Variants in TJP3 observed in about 807,000 individuals in gnomAD.
TJP3 encodes the protein tight junction protein ZO-3.
Under a neutral mutation model 104.2 loss-of-function variants are expected in TJP3, and 85 were observed. The observed-to-expected ratio is 0.82, with a 90% CI of 0.68 to 0.98. The LOEUF is 0.98. Among genes scored for constraint, TJP3 ranks in the 50% least tolerant of loss-of-function variants. The pLI is 0.00. For synonymous variants in TJP3, 550 were observed against 550.6 expected (o/e 1.00, Z 0.02); for missense variants, 1,367 against 1,322.8 (o/e 1.03, Z -0.52).
chr19:3,750,592 C>G lies in TJP3; in HGVS notation c.2668C>G (p.Arg890Gly). The change falls in exon 21 of 21, where the codon CGG becomes GGG. Residue 890 changes from arginine (R) to glycine (G), a missense_variant. Transcript: ENST00000541714. ...WRQDSMRTYEREALKKKFMRV... is the reference protein window; with the variant it reads ...WRQDSMRTYEGEALKKKFMRV... ...TTTCCTGATCCCCAGAACCTATGAA[C>G]GGGAAGCCCTGAAGAAAAAGTTTAT... 1 of 1,604,922 alleles carries G rather than the reference C, an allele frequency of 6.2e-7. No homozygotes were observed. The highest frequency in any genetic ancestry group is 8.5e-7 in the Non-Finnish European group (1 of 1,175,446).
At chr19:3,741,814 CA>C (rs1319589950) in intron 14 of TJP3, among the ~76,000 whole-genome samples, 6 of 149,104 alleles carry the variant, frequency 4.0e-5, no homozygotes, top group Non-Finnish European at 8.9e-5. Context: ...ACTAAAAGTA[CA>C]AAAAATTAGC....
chr19:3,718,472 T>C (rs1043647483), intron 1 of TJP3, among the ~76,000 whole-genome samples: 1 of 79,890 alleles, frequency 1.3e-5, no homozygotes, highest in Non-Finnish European at 2.5e-5. Flanking sequence ...TTTTTTGGGG[T>C]GGTGGGGGGC....
chr19:3,717,427 A>ATG (rs953659913), intron 1 of TJP3, among the ~76,000 whole-genome samples: 2 of 142,468 alleles, frequency 1.4e-5, no homozygotes, highest in African/African-American at 5.2e-5. Context: ...ATATATATAT[A>ATG]TAATTTTATT....
chr19:3,714,936 T>G (rs1232513688), intron 1 of TJP3, among the ~76,000 whole-genome samples: 1 of 152,244 alleles, frequency 6.6e-6, no homozygotes, highest in East Asian at 1.9e-4. Flanking sequence ...TTTTGTTGAC[T>G]GAGTGACTGA....
intron 1 of TJP3, among the ~76,000 whole-genome samples, chr19:3,726,140 G>A (rs896099920): frequency 1.8e-4 from 28 of 152,254 alleles, no homozygotes; most frequent in Non-Finnish European, 2.9e-5. Context: ...GCCCCGGGGA[G>A]GAGGAGGAGT....
At chr19:3,732,573 A>T (rs1327927921) in intron 6 of TJP3, among the ~76,000 whole-genome samples, 1 of 150,174 alleles carries the variant, frequency 6.7e-6, no homozygotes, top group African/African-American at 2.5e-5. Flanking sequence ...GCAGTGGCGC[A>T]ATCTCGGCTC....
chr19:3,730,428 CG>C lies in TJP3; in HGVS notation c.337del (p.Asp113MetfsTer78). On this transcript the variant is annotated frameshift_variant, in exon 5 of 21. Coordinates refer to ENST00000541714, the MANE Select transcript of TJP3 (RefSeq NM_001267560.2). LOFTEE classifies it high-confidence loss of function. The surrounding 1 kb of genome is among the most constrained non-coding windows in gnomAD (Gnocchi z 7.3). Reference sequence around the variant, plus strand: ...CCCTCCAGCCCAGGGCGCCAGGACTCGGATGAAGACGATGGGCCCCAGCGGG... The same window carrying C: ...CCCTCCAGCCCAGGGCGCCAGGACTCGATGAAGACGATGGGCCCCAGCGGG... ...ASPSSPGRQD[S>X]DEDDGPQRVE... is the part of the protein sequence containing the mutation. 6.3e-7 allele frequency: 1 copy of C among 1,589,988 alleles called. No individual in the cohort carries two copies. The highest frequency in any genetic ancestry group is 8.6e-7 in the Non-Finnish European group (1 of 1,169,318).
chr19:3,722,999 C>G (rs188606589), intron 1 of TJP3, among the ~76,000 whole-genome samples: 1,653 of 152,126 alleles, frequency 0.011, 75 homozygotes, highest in Admixed American at 0.087. Flanking sequence ...GACAAAGACC[C>G]AAGCCCCACC....
chr19:3,719,599 G>T (rs899894617), intron 1 of TJP3, among the ~76,000 whole-genome samples: 30 of 152,036 alleles, frequency 2.0e-4, no homozygotes, highest in African/African-American at 7.2e-4. Flanking sequence ...AGCCAGGCGT[G>T]GTGGCGGGTG....
chr19:3,742,562 G>A (rs547229194), intron 14 of TJP3, among the ~76,000 whole-genome samples: 1 of 147,100 alleles, frequency 6.8e-6, no homozygotes, highest in Non-Finnish European at 1.5e-5. Context: ...CAAATTGCCC[G>A]GGACAGGGGT....
At chr19:3,709,092 G>A (rs2036410366) in intron 1 of TJP3, among the ~76,000 whole-genome samples, 1 of 152,152 alleles carries the variant, frequency 6.6e-6, no homozygotes, top group Non-Finnish European at 1.5e-5. Flanking sequence ...AGCTTTGCAG[G>A]GAGGGATTGG....
chr19:3,734,240 T>C (rs200789109), intron 7 of TJP3, 87 bp from the exon 8 acceptor site: 273 of 1,363,030 alleles, frequency 2.0e-4, no homozygotes, highest in Admixed American at 2.5e-4. Context: ...GCCCTTTGTT[T>C]AGAGGGGTGT....
At chr19:3,744,882 C>T (rs935850762) in intron 15 of TJP3, among the ~76,000 whole-genome samples, 1 of 152,024 alleles carries the variant, frequency 6.6e-6, no homozygotes, top group African/African-American at 2.4e-5. Flanking sequence ...GAGCAGAGAT[C>T]ACGCCACTGC....
In TJP3 at chr19:3,750,719, C is replaced by T. The variant is rs1329776314; in HGVS notation, c.*35C>T. ...GGCTGCCAGCTGGTCCGTCCTCCTT[C>T]TCCCTCCCTGGGGCTGGGACTCAGT... is the stretch of plus-strand genomic sequence containing the variant. On this transcript the variant is annotated 3_prime_UTR_variant, in exon 21 of 21. Transcript: ENST00000541714. 11 of 1,535,494 alleles carry T rather than the reference C, an allele frequency of 7.2e-6. No homozygotes were observed. The African/African-American group carries it at 8.2e-5, about 11-fold the overall frequency.
intron 13 of TJP3, among the ~76,000 whole-genome samples, chr19:3,739,405 G>A (rs55690752): frequency 0.21 from 31,801 of 152,040 alleles, 3,455 homozygotes; most frequent in Admixed American, 0.27. Context: ...CAGGAGAATC[G>A]CTTGAACCTG....
intron 1 of TJP3, among the ~76,000 whole-genome samples, chr19:3,726,233 G>A (rs1366821653): frequency 6.6e-6 from 1 of 152,242 alleles, no homozygotes; most frequent in Non-Finnish European, 1.5e-5. Flanking sequence ...CAGGAGGGAA[G>A]GGAGGGTGGA....
At chr19:3,741,531 G>A (rs1393241295) in intron 14 of TJP3, among the ~76,000 whole-genome samples, 2 of 148,822 alleles carry the variant, frequency 1.3e-5, no homozygotes, top group South Asian at 2.1e-4. Flanking sequence ...GGAGGCTGAG[G>A]CAGGAGAATC....
At position 3,735,956 on chromosome 19, in the gene TJP3, C is replaced by T. The variant is rs373016631; in HGVS notation, c.1127+21C>T. 532 of 1,613,666 alleles carry T rather than the reference C, an allele frequency of 3.3e-4. 1 individual carries two copies. Among genetic ancestry groups the T allele is most frequent in the Non-Finnish European group, 4.4e-4 (514 of 1,179,806 alleles). On this transcript the variant is annotated intron_variant, in intron 10 of 20. Coordinates refer to ENST00000541714, the MANE Select transcript of TJP3 (RefSeq NM_001267560.2). ...CGTGGGTATGTACCCCAGAAGAAAGCAAACCCGCTCAAAACTCCTACATCC... is the reference window on the plus strand; with the variant it reads ...CGTGGGTATGTACCCCAGAAGAAAGTAAACCCGCTCAAAACTCCTACATCC...
chr19:3,724,256 C>T (rs960340151), intron 1 of TJP3, among the ~76,000 whole-genome samples: 28 of 151,734 alleles, frequency 1.8e-4, no homozygotes, highest in Non-Finnish European at 4.0e-4. Context: ...AGTGCAGTGG[C>T]ACAATCTTGG....
Sources: gnomAD v4.1 joint callset for allele counts (sites outside exome capture counted in the v4.1 genomes callset) on GRCh38, gnomAD v4.1.1 for gene constraint, Gnocchi (gnomAD v3.1) non-coding constraint, MANE v1.5 for transcripts, NCBI Gene and HGNC (gene_info 2026-07-23, HGNC 2026-07-21) for gene names.